The following STX5 variants were observed in gnomAD, a reference collection of about 807,000 sequenced individuals.
STX5 encodes the protein syntaxin-5.
In STX5, 15 loss-of-function variants were observed where a neutral mutation model predicts 42.9. The ratio of observed to expected loss-of-function variants is 0.35; its 90% CI spans 0.23 to 0.54. The LOEUF (loss-of-function observed/expected upper bound fraction) is 0.54. Ranked by LOEUF, STX5 falls within the 20% of genes least tolerant of loss-of-function variation. STX5 has a pLI of 0.91. For missense variants in STX5, 430 were observed against 455.0 expected (o/e 0.95, Z 0.50); for synonymous variants, 184 against 173.2 (o/e 1.06, Z -0.49).
intron 10 of STX5, among the ~76,000 whole-genome samples, chr11:62,822,170 CTGGCCAATG>C (rs2084747122): frequency 6.6e-6 from 1 of 152,144 alleles, no homozygotes; most frequent in Non-Finnish European, 1.5e-5. Context: ...CAAGACCAGC[CTGGCCAATG>C]TGGCAAAACT....
At chr11:62,831,383 AC>A (rs2084861026) in intron 1 of STX5, 121 bp from the exon 2 acceptor site, 1 of 766,982 alleles carries the variant, frequency 1.3e-6, no homozygotes, top group Non-Finnish European at 2.2e-6. Context: ...CGCGCCCAGG[AC>A]GCTCGCAAAT....
intron 10 of STX5, among the ~76,000 whole-genome samples, chr11:62,811,523 T>G (rs1194328389): frequency 6.6e-6 from 1 of 152,166 alleles, no homozygotes; most frequent in Non-Finnish European, 1.5e-5. Flanking sequence ...TCTGTGCTGT[T>G]TTTTCCTCAC....
chr11:62,831,413 C>G (rs1433395797), intron 1 of STX5, among the ~76,000 whole-genome samples, 151 bp from the exon 2 acceptor site: 1 of 151,992 alleles, frequency 6.6e-6, no homozygotes, highest in Non-Finnish European at 1.5e-5. Flanking sequence ...GGACCAGCAG[C>G]GGAAAGGGCC....
Position 62,824,287 on chromosome 11 carries a change from C to G in STX5, c.787G>C (p.Asp263His). ...TCTGCCCGACTCTGGATGTAGGAAT[C>G]CTTCAGGAGAGGGAGAGAGCACATG... is the stretch of plus-strand genomic sequence containing the variant. ...SQQLQLIDEQ[D>H]SYIQSRADTM... Residue 263 changes from aspartate to histidine, a missense_variant and splice_region_variant, in exon 10 of 11, where the codon GAT becomes CAT. Asp to His is a moderately conservative substitution (Grantham distance 81). Transcript: ENST00000294179. 4 of 1,614,204 alleles carry G rather than the reference C, an allele frequency of 2.5e-6. No homozygotes were observed. Among genetic ancestry groups the G allele is most frequent in the Non-Finnish European group, 3.4e-6 (4 of 1,180,042 alleles).
chr11:62,818,702 A>AG (rs1487265706), intron 10 of STX5, among the ~76,000 whole-genome samples: 1 of 151,516 alleles, frequency 6.6e-6, no homozygotes, highest in Admixed American at 6.6e-5. Flanking sequence ...AAAAAAAAAA[A>AG]AAGAAAAAAA....
intron 2 of STX5, among the ~76,000 whole-genome samples, chr11:62,828,413 A>G (rs1402064181): frequency 6.6e-6 from 1 of 152,194 alleles, no homozygotes; most frequent in Non-Finnish European, 1.5e-5. Flanking sequence ...ATGTCCAGCC[A>G]TCAGTAAAAA....
In STX5 at chr11:62,829,539, G is replaced by A. The variant is rs558217250; in HGVS notation, c.225+1480C>T. ...AGCACTTTGAGAAGATAAAGCAGAC[G>A]GATCACTTGAGCCCAGAAGTTCGAG... On this transcript the variant is annotated intron_variant, in intron 2 of 10. Transcript: ENST00000294179. Among the ~76,000 whole-genome samples the A allele has an allele frequency of 3.0e-3, 454 of 151,632 alleles. 2 individuals are homozygous for A. The highest frequency in any genetic ancestry group is 9.4e-3 in the African/African-American group (387 of 41,312).
At position 62,807,209 on chromosome 11, in the gene STX5, G is replaced by T; in HGVS notation, c.*260C>A. On this transcript the variant is annotated 3_prime_UTR_variant, in exon 11 of 11. Transcript: ENST00000294179. ...AACCTCCCCCACTGGCCCCCAGCTG[G>T]CCTCTGCTCCCTTCCAGTCACTTCA... 3.0e-6 allele frequency: 1 copy of T among 338,412 alleles called. No homozygotes were observed. Among genetic ancestry groups the T allele is most frequent in the Non-Finnish European group, 5.3e-6 (1 of 187,474 alleles). The allele number at this position is 338,412 out of a possible 1,614,324, so 21.0% of individuals were successfully genotyped here. A position where few individuals can be genotyped will look rare whatever the true frequency, so the allele number is the denominator to read the frequency against.
intron 10 of STX5, among the ~76,000 whole-genome samples, chr11:62,809,673 CAA>C (rs749188946): frequency 2.1e-3 from 41 of 19,164 alleles, no homozygotes; most frequent in South Asian, 4.9e-3. Context: ...GACTCTGTCT[CAA>C]AAAAAAAAAA....
At chr11:62,826,552 T>G (rs1368509398) in intron 5 of STX5, among the ~76,000 whole-genome samples, 1 of 151,394 alleles carries the variant, frequency 6.6e-6, no homozygotes, top group Admixed American at 6.6e-5. Flanking sequence ...AGTGAAACTC[T>G]GTCTCAAAAA....
chr11:62,829,136 C>T (rs2084827832), intron 2 of STX5, among the ~76,000 whole-genome samples: 4 of 152,102 alleles, frequency 2.6e-5, no homozygotes, highest in Admixed American at 6.5e-5. Context: ...TTGAAAAAAA[C>T]ACTCCCGGCT....
chr11:62,809,252 C>A (rs1449346490), intron 10 of STX5, among the ~76,000 whole-genome samples: 1 of 143,468 alleles, frequency 7.0e-6, no homozygotes, highest in Non-Finnish European at 1.5e-5. Flanking sequence ...CGTGCCACTG[C>A]ACTCCAGCCT....
chr11:62,812,487 G>A (rs938975863), intron 10 of STX5, among the ~76,000 whole-genome samples: 5 of 148,990 alleles, frequency 3.4e-5, no homozygotes, highest in Non-Finnish European at 7.5e-5. Context: ...GGCGTGATCT[G>A]GGCTCACTGC....
At chr11:62,812,252 T>C (rs1334805224) in intron 10 of STX5, among the ~76,000 whole-genome samples, 1 of 150,806 alleles carries the variant, frequency 6.6e-6, no homozygotes, top group Non-Finnish European at 1.5e-5. Context: ...TAATTTTGTA[T>C]TTTTAGTAGA....
intron 1 of STX5, 79 bp downstream of exon 1, chr11:62,831,875 C>T (rs1057047989): frequency 4.4e-6 from 2 of 456,794 alleles, no homozygotes; most frequent in African/African-American, 4.0e-5. Flanking sequence ...TTCCCTTCCC[C>T]CCGCCAGTCG....
intron 10 of STX5, among the ~76,000 whole-genome samples, chr11:62,817,022 T>C (rs1198514736): frequency 3.3e-5 from 5 of 150,930 alleles, no homozygotes; most frequent in South Asian, 2.2e-4. Flanking sequence ...TGGAGTGCAG[T>C]GGCGGGATCT....
rs192664294 is a variant in STX5 at position 62,830,044 on chromosome 11, G to C, written c.225+975C>G. On this transcript the variant is annotated intron_variant, in intron 2 of 10. Coordinates refer to ENST00000294179, the MANE Select transcript of STX5 (RefSeq NM_003164.5). The stretch of plus-strand genomic sequence containing the variant: ...TGCACCATTGCACCCCAGTCTGGGC[G>C]ACAAGGCAAAATTCCTTCTCAAAAA... Among the ~76,000 whole-genome samples the C allele has an allele frequency of 4.6e-5, 6 of 130,152 alleles. No individual in the cohort carries two copies. The Admixed American group carries it at 5.5e-4, about 12-fold the overall frequency. The allele number at this position is 130,152 out of a possible 152,430, so 85.4% of individuals were successfully genotyped here.
rs539639446 is a variant in STX5 at position 62,819,354 on chromosome 11, C to A, written c.908+4812G>T. Among the ~76,000 whole-genome samples, 678 of 143,480 alleles carry A rather than the reference C, an allele frequency of 4.7e-3. 4 individuals carry two copies. Among genetic ancestry groups the A allele is most frequent in the African/African-American group, 0.017 (655 of 38,034 alleles). 94.1% of individuals were successfully genotyped at this position (143,480 alleles called of 152,430 possible). A position where few individuals can be genotyped will look rare whatever the true frequency, so the allele number is the denominator to read the frequency against. ...AGAAATTGTTGTCAGCAGATCTCCA[C>A]TACAAAAAAAAAACCAAAGGAAGTG... On this transcript the variant is annotated intron_variant, in intron 10 of 10. Coordinates refer to ENST00000294179, the MANE Select transcript of STX5 (RefSeq NM_003164.5).
chr11:62,830,921 G>T, intron 2 of STX5, 98 bp downstream of exon 2: 1 of 1,135,856 alleles, frequency 8.8e-7, no homozygotes, highest in Non-Finnish European at 1.3e-6. Flanking sequence ...GTTCCATCAG[G>T]TACCCCCCAA....
Sources: allele counts gnomAD v4.1 joint callset (sites outside exome capture counted in the v4.1 genomes callset), GRCh38; gene constraint gnomAD v4.1.1; transcripts MANE v1.5; gene names NCBI Gene and HGNC (gene_info 2026-07-23, HGNC 2026-07-21).